Variants in AKAP7 observed in about 807,000 individuals in gnomAD.
AKAP7 encodes A-kinase anchoring protein 7.
Under a neutral mutation model 39.5 loss-of-function variants are expected in AKAP7, and 39 were observed. The ratio of observed to expected loss-of-function variants is 0.99; its 90% CI spans 0.76 to 1.29. AKAP7 has a LOEUF of 1.29. AKAP7 is among the 50% of genes most tolerant of loss of function. AKAP7 has a pLI of 0.00. For missense variants in AKAP7, 414 were observed against 407.7 expected (o/e 1.02, Z -0.13); for synonymous variants, 140 against 139.1 (o/e 1.01, Z -0.05).
chr6:131,154,787 C>G (rs1480866488), intron 2 of AKAP7, among the ~76,000 whole-genome samples: 1 of 152,074 alleles, frequency 6.6e-6, no homozygotes, highest in Non-Finnish European at 1.5e-5. Flanking sequence ...TTACCAAAAT[C>G]TATGCACTAT....
rs546692210 is a variant in AKAP7 at position 131,256,841 on chromosome 6, T to C, written c.851-24689T>C. On this transcript the variant is annotated intron_variant, in intron 7 of 7. Transcript: ENST00000431975. Reference sequence around the variant, plus strand: ...AGATGTGAGCCACTGCACCCAGCCATGGATTTGCATTTTAATAAGACCAAA... The same window carrying C: ...AGATGTGAGCCACTGCACCCAGCCACGGATTTGCATTTTAATAAGACCAAA... Among the ~76,000 whole-genome samples the C allele has an allele frequency of 2.0e-5, 3 of 152,104 alleles. No homozygotes were observed. In the South Asian group the frequency reaches 6.2e-4, roughly 32 times the overall value.
At chr6:131,159,279 G>A (rs191675543) in intron 2 of AKAP7, among the ~76,000 whole-genome samples, 130 of 152,042 alleles carry the variant, frequency 8.6e-4, no homozygotes, top group African/African-American at 2.9e-3. Flanking sequence ...ATTTTTAGTA[G>A]AGACGAGGTT....
chr6:131,263,027 G>C (rs1813482649), intron 7 of AKAP7, among the ~76,000 whole-genome samples: 1 of 152,228 alleles, frequency 6.6e-6, no homozygotes, highest in African/African-American at 2.4e-5. Flanking sequence ...ATGTTCTGAA[G>C]TCTGAGGAAT....
At chr6:131,174,930 C>G (rs1804429878) in intron 5 of AKAP7, among the ~76,000 whole-genome samples, 1 of 100,074 alleles carries the variant, frequency 1.0e-5, no homozygotes, top group African/African-American at 3.3e-5. Context: ...AGTCAGAATT[C>G]CCCATGTAAC....
intron 1 of AKAP7, among the ~76,000 whole-genome samples, chr6:131,144,942 C>T (rs1371044468): frequency 1.3e-5 from 2 of 152,060 alleles, no homozygotes; most frequent in African/African-American, 2.4e-5. Flanking sequence ...GACTGACAAA[C>T]CTTGCTGGTT....
chr6:131,274,183 T>C (rs902333717), intron 7 of AKAP7, among the ~76,000 whole-genome samples: 4 of 152,152 alleles, frequency 2.6e-5, no homozygotes, highest in Admixed American at 1.3e-4. Context: ...TTTCAGAAAT[T>C]TGATCATGAT....
intron 4 of AKAP7, among the ~76,000 whole-genome samples, chr6:131,167,735 C>G (rs1342175876): frequency 6.6e-6 from 1 of 151,930 alleles, no homozygotes; most frequent in Non-Finnish European, 1.5e-5. Flanking sequence ...GAGAAATGTA[C>G]CATACTTATA....
chr6:131,202,268 C>T (rs1391006337), intron 6 of AKAP7, among the ~76,000 whole-genome samples: 2 of 145,968 alleles, frequency 1.4e-5, no homozygotes, highest in Non-Finnish European at 3.0e-5. Flanking sequence ...GGGTATATAC[C>T]CAAAGGACTA....
chr6:131,210,432 G>A (rs1808540917), intron 6 of AKAP7, among the ~76,000 whole-genome samples: 1 of 152,182 alleles, frequency 6.6e-6, no homozygotes, highest in Admixed American at 6.5e-5. Flanking sequence ...CTTGGCTACA[G>A]GAATTCCAGT....
At chr6:131,240,543 T>A (rs1293245254) in intron 7 of AKAP7, among the ~76,000 whole-genome samples, 4 of 152,212 alleles carry the variant, frequency 2.6e-5, no homozygotes, top group Non-Finnish European at 5.9e-5. Flanking sequence ...CTTGAGCTGC[T>A]GTGGGCTCCA....
chr6:131,137,093 G>GGC (rs1800614769), intron 1 of AKAP7, among the ~76,000 whole-genome samples: 1 of 151,980 alleles, frequency 6.6e-6, no homozygotes, highest in Admixed American at 6.6e-5. Context: ...TCCCCAAGTA[G>GGC]CGGGGACTAC....
At chr6:131,276,278 G>T (rs1171382836) in intron 7 of AKAP7, among the ~76,000 whole-genome samples, 2 of 152,244 alleles carry the variant, frequency 1.3e-5, no homozygotes, top group Non-Finnish European at 2.9e-5. Flanking sequence ...TGTGTTGGGG[G>T]TGAGTTTTGG....
At chr6:131,154,787 CT>C (rs1264625083) in intron 2 of AKAP7, among the ~76,000 whole-genome samples, 11 of 152,192 alleles carry the variant, frequency 7.2e-5, no homozygotes, top group Admixed American at 5.2e-4. Flanking sequence ...TTACCAAAAT[CT>C]ATGCACTATA....
rs3756774 is a variant in AKAP7, at chr6:131,283,186, A to G, written c.*1460A>G. On this transcript the variant is annotated 3_prime_UTR_variant, in exon 8 of 8. Transcript: ENST00000431975. ...TGTTCTGCTTTTTCATTTCTTAAGG[A>G]ATACATGTTTGGGATTTTTATTTTT... 1 of 152,624 alleles carries G rather than the reference A, an allele frequency of 6.6e-6. No individual in the cohort carries two copies. The highest frequency in any genetic ancestry group is 1.5e-5 in the Non-Finnish European group (1 of 68,058). The allele number at this position is 152,624 out of a possible 1,614,324, so 9.5% of individuals were successfully genotyped here. A position where few individuals can be genotyped will look rare whatever the true frequency, so the allele number is the denominator to read the frequency against.
intron 6 of AKAP7, among the ~76,000 whole-genome samples, chr6:131,207,050 C>T (rs1014334223): frequency 4.6e-5 from 7 of 152,102 alleles, no homozygotes; most frequent in Non-Finnish European, 7.4e-5. Context: ...GTTGACTTAT[C>T]GTAAAAGAAG....
chr6:131,135,398 G>A (rs1170568442), upstream of AKAP7, among the ~76,000 whole-genome samples: 2 of 152,056 alleles, frequency 1.3e-5, no homozygotes, highest in African/African-American at 4.8e-5. Context: ...AGTTTCCCCC[G>A]CCCTGCCCGA....
chr6:131,243,953 A>G (rs1028301555), intron 7 of AKAP7, among the ~76,000 whole-genome samples: 2 of 151,936 alleles, frequency 1.3e-5, no homozygotes, highest in Non-Finnish European at 2.9e-5. Flanking sequence ...GCCATGTCTG[A>G]TAATACAAAT....
chr6:131,220,803 G>GTGATC (rs896991818), intron 7 of AKAP7, among the ~76,000 whole-genome samples: 3 of 151,960 alleles, frequency 2.0e-5, no homozygotes, highest in African/African-American at 7.3e-5. Context: ...ATCTGTTATG[G>GTGATC]TGATCAGTGA....
In AKAP7 at chr6:131,156,288, TA is replaced by T. The variant is rs562687985; in HGVS notation, c.152-3764del. Among the ~76,000 whole-genome samples, 312 of 152,160 alleles carry T rather than the reference TA, an allele frequency of 2.1e-3. 1 individual carries two copies. Among genetic ancestry groups the T allele is most frequent in the Non-Finnish European group, 3.7e-3 (250 of 67,988 alleles). On this transcript the variant is annotated intron_variant, in intron 2 of 7. Transcript: ENST00000431975. Reference sequence around the variant, plus strand: ...TTAGAATTGATTTGTAATTTTACCTTAAAAAAAGGGGGTCTTGCTTTTGAAA... The same window carrying T: ...TTAGAATTGATTTGTAATTTTACCTTAAAAAAGGGGGTCTTGCTTTTGAAA...
Sources: allele counts gnomAD v4.1 joint callset (sites outside exome capture counted in the v4.1 genomes callset), GRCh38; gene constraint gnomAD v4.1.1; transcripts MANE v1.5; gene names NCBI Gene and HGNC (gene_info 2026-07-23, HGNC 2026-07-21).